VAV1: variants seen among roughly 807,000 people sequenced by gnomAD.
VAV1 encodes vav guanine nucleotide exchange factor 1, also known as proto-oncogene vav.
A neutral mutation model predicts 128.1 loss-of-function variants in VAV1; 33 were observed. The ratio of observed to expected loss-of-function variants is 0.26; its 90% confidence interval spans 0.20 to 0.34. The LOEUF is 0.34. Among genes scored for constraint, VAV1 ranks in the 10% least tolerant of loss-of-function variants. The pLI, the probability that VAV1 is intolerant of heterozygous loss-of-function variation, is 1.00. For synonymous variants in VAV1, 394 were observed against 409.8 expected (o/e 0.96, Z 0.47); for missense variants, 715 against 1,093.7 (o/e 0.65, Z 4.88).
chr19:6,801,469 A>C (rs1462847070), intron 1 of VAV1, among the ~76,000 whole-genome samples: 1 of 151,764 alleles, frequency 6.6e-6, no homozygotes, highest in Non-Finnish European at 1.5e-5. Context: ...TCCTCACAGA[A>C]GGGTTTGAGG....
At chr19:6,793,339 G>A (rs2617811) in intron 1 of VAV1, among the ~76,000 whole-genome samples, 32,592 of 150,326 alleles carry the variant, frequency 0.22, 3,706 homozygotes, top group African/African-American at 0.29. Flanking sequence ...ATCTCAAAAA[G>A]AAAGAAAGAA....
chr19:6,784,322 G>T, intron 1 of VAV1: 1 of 465,788 alleles, frequency 2.1e-6, no homozygotes, highest in Non-Finnish European at 3.9e-6. Flanking sequence ...CCTGAGCCAA[G>T]GCCATGGGGG....
rs112115964 is a variant in VAV1, at chr19:6,780,014, A to G, written c.204+7003A>G. On this transcript the variant is annotated intron_variant, in intron 1 of 26. Transcript: ENST00000602142. The stretch of plus-strand genomic sequence containing the variant: ...TAGTCCCAGCTACTCGGGAGGCTGA[A>G]GCAGGAGAATGGCATGAACCTGGGA... Among the ~76,000 whole-genome samples, 996 of 148,224 alleles carry G rather than the reference A, an allele frequency of 6.7e-3. 20 individuals are homozygous for G. The highest frequency in any genetic ancestry group is 0.022 in the African/African-American group (912 of 40,588).
chr19:6,855,345 A>G (rs1972764780), intron 26 of VAV1, among the ~76,000 whole-genome samples: 1 of 152,148 alleles, frequency 6.6e-6, no homozygotes, highest in South Asian at 2.1e-4. Flanking sequence ...AGGCTTTTGG[A>G]GCATTGAGGA....
intron 1 of VAV1, among the ~76,000 whole-genome samples, chr19:6,798,115 A>T (rs144625519): frequency 1.3e-5 from 2 of 151,900 alleles, no homozygotes; most frequent in African/African-American, 4.8e-5. Context: ...TGTCTGTACT[A>T]AAAATACAGA....
At chr19:6,792,770 T>C (rs1971044346) in intron 1 of VAV1, among the ~76,000 whole-genome samples, 1 of 151,946 alleles carries the variant, frequency 6.6e-6, no homozygotes. Context: ...GGAGTGACTC[T>C]GTCCTCCCAG....
At position 6,844,039 on chromosome 19, in the gene VAV1, C is replaced by T. The variant is rs1555705889; in HGVS notation, c.2012+873C>T. 4.8e-5 allele frequency among the ~76,000 whole-genome samples: 5 copies of T among 104,464 alleles called. 1 individual carries two copies. Among genetic ancestry groups the T allele is most frequent in the Non-Finnish European group, 9.4e-5 (5 of 53,338 alleles). 68.5% of individuals were successfully genotyped at this position (104,464 alleles called of 152,430 possible). A position where few individuals can be genotyped will look rare whatever the true frequency, so the allele number is the denominator to read the frequency against. ...TTGATTCTTACTCTCTGCCCCCATA[C>T]TTTCTTCTTTTCTTCTTCTTCTTCT... On this transcript the variant is annotated intron_variant, in intron 22 of 26. Coordinates refer to ENST00000602142, the MANE Select transcript of VAV1 (RefSeq NM_005428.4).
At chr19:6,832,583 CG>C (rs1568309622) in intron 15 of VAV1, among the ~76,000 whole-genome samples, 3 of 128,158 alleles carry the variant, frequency 2.3e-5, no homozygotes, top group Admixed American at 1.7e-4. Context: ...TCCTCCTCCT[CG>C]CCCTCCTCTT....
rs914234744 is a variant in VAV1 at position 6,847,613 on chromosome 19, C to T, written c.2013-385C>T. 2.0e-5 allele frequency among the ~76,000 whole-genome samples: 3 copies of T among 152,154 alleles called. No individual in the cohort carries two copies. The East Asian group carries it at 5.8e-4, about 29-fold the overall frequency. Reference sequence around the variant, plus strand: ...TTTTTTGGCTCTCACTTACATTTTGCACCTGAGGCTCGTGACTCATTCTCC... The same window carrying T: ...TTTTTTGGCTCTCACTTACATTTTGTACCTGAGGCTCGTGACTCATTCTCC... On this transcript the variant is annotated intron_variant, in intron 22 of 26. Coordinates refer to ENST00000602142, the MANE Select transcript of VAV1 (RefSeq NM_005428.4).
At chr19:6,852,725 A>T (rs1599685282) in intron 24 of VAV1, among the ~76,000 whole-genome samples, 1 of 145,178 alleles carries the variant, frequency 6.9e-6, no homozygotes, top group Admixed American at 6.9e-5. Flanking sequence ...CGTCTCAAAG[A>T]AAAAAAAAAA....
At chr19:6,843,401 A>G (rs374127885) in intron 22 of VAV1, among the ~76,000 whole-genome samples, 28 of 152,278 alleles carry the variant, frequency 1.8e-4, no homozygotes, top group African/African-American at 6.5e-4. Flanking sequence ...GATGATGACG[A>G]TGATGACAAT....
At position 6,820,805 on chromosome 19, in the gene VAV1, A is replaced by G; in HGVS notation, c.308A>G (p.Gln103Arg). ...GAAGCCTTTGACCTCTTCGATGTGCAGGATTTTGGCAAGGTGAGCTGCACA... is the reference window on the plus strand; with the variant it reads ...GAAGCCTTTGACCTCTTCGATGTGCGGGATTTTGGCAAGGTGAGCTGCACA... ...LFEAFDLFDVQDFGKVIYTLS... is the reference protein window; with the variant it reads ...LFEAFDLFDVRDFGKVIYTLS... Residue 103 changes from glutamine to arginine, a missense_variant, in exon 2 of 27, where the codon CAG (glutamine) becomes CGG (arginine). Physicochemically the swap from Gln to Arg is conservative, Grantham distance 43. Around this residue, in one of 3 missense-constraint regions of VAV1, gnomAD observed 302 missense variants for 477.8 expected, o/e 0.63. Transcript: ENST00000602142. This position sits in a 1 kb window ranked among gnomAD's most constrained non-coding sequence, Gnocchi z 4.4. The G allele has an allele frequency of 6.2e-7, 1 of 1,614,226 alleles. No individual in the cohort carries two copies. Among genetic ancestry groups the G allele is most frequent in the Non-Finnish European group, 8.5e-7 (1 of 1,180,018 alleles).
chr19:6,777,482 G>A lies in VAV1; in HGVS notation c.204+4471G>A, dbSNP rs1970673795. On this transcript the variant is annotated intron_variant, in intron 1 of 26. Coordinates refer to ENST00000602142, the MANE Select transcript of VAV1 (RefSeq NM_005428.4). This position sits in a 1 kb window ranked among gnomAD's most constrained non-coding sequence, Gnocchi z 4.4. ...GAAAACAAAGTGGAACAGGGTATGAGGGGGGCACTTTGACGAGGAGGGCTA... is the reference window on the plus strand; with the variant it reads ...GAAAACAAAGTGGAACAGGGTATGAAGGGGGCACTTTGACGAGGAGGGCTA... Among the ~76,000 whole-genome samples, 4 of 152,202 alleles carry A rather than the reference G, an allele frequency of 2.6e-5. No individual in the cohort carries two copies. The highest frequency in any genetic ancestry group is 2.6e-4 in the Admixed American group (4 of 15,276).
chr19:6,849,402 CCTCAGCCT>C (rs1276467212), intron 23 of VAV1, among the ~76,000 whole-genome samples: 2 of 144,704 alleles, frequency 1.4e-5, no homozygotes, highest in African/African-American at 5.3e-5. Context: ...GAGTCTTCTG[CCTCAGCCT>C]CTTGAGTAGC....
At chr19:6,793,444 G>T (rs1437338825) in intron 1 of VAV1, among the ~76,000 whole-genome samples, 1 of 152,088 alleles carries the variant, frequency 6.6e-6, no homozygotes, top group Non-Finnish European at 1.5e-5. Flanking sequence ...GTTGGTAAAG[G>T]GTGATTTGTT....
chr19:6,779,078 G>T (rs1355084453), intron 1 of VAV1, among the ~76,000 whole-genome samples: 1 of 136,234 alleles, frequency 7.3e-6, no homozygotes, highest in Non-Finnish European at 1.6e-5. Context: ...CTGAGACAGG[G>T]TCTCAATCTG....
At chr19:6,831,942 G>A (rs1387932782) in intron 14 of VAV1, 149 bp from the exon 15 acceptor site, 2 of 614,700 alleles carry the variant, frequency 3.3e-6, no homozygotes, top group East Asian at 2.9e-5. Flanking sequence ...ATCCTAGAAA[G>A]CCCTTTTACA....
rs1488692859 is a variant in VAV1 at position 6,854,078 on chromosome 19, C to T, written c.2464C>T (p.Arg822Ter). The T allele has an allele frequency of 1.9e-6, 3 of 1,613,008 alleles. No individual in the cohort carries two copies. The highest frequency in any genetic ancestry group is 2.2e-5 in the East Asian group (1 of 44,878). ...LNKKGQQGWW[R>*]GEIYGRVGWF... ...CAAGAAGGGACAGCAAGGCTGGTGG[C>T]GAGGGGAGATCTATGGCCGGGTGAG... Residue 822 changes from arginine (R) to a stop codon, truncating the protein, a stop_gained, in exon 26 of 27, where the codon CGA (arginine) becomes TGA (stop). Transcript: ENST00000602142. LOFTEE classifies it high-confidence loss of function.
intron 16 of VAV1, 22 bp downstream of exon 16, chr19:6,833,307 C>G: frequency 1.3e-6 from 2 of 1,593,664 alleles, no homozygotes; most frequent in Non-Finnish European, 1.7e-6. Flanking sequence ...GGAGGAGGGT[C>G]CTGCATACCG....
Sources: gnomAD v4.1 joint callset for allele counts (sites outside exome capture counted in the v4.1 genomes callset) on GRCh38, gnomAD v4.1.1 for gene constraint, gnomAD v4.1.1 regional missense constraint, Gnocchi (gnomAD v3.1) non-coding constraint, MANE v1.5 for transcripts, NCBI Gene and HGNC (gene_info 2026-07-23, HGNC 2026-07-21) for gene names.